PIK3C2G: variants seen among roughly 807,000 people sequenced by gnomAD.
PIK3C2G encodes the protein phosphatidylinositol-4-phosphate 3-kinase catalytic subunit type 2 gamma, also known as phosphatidylinositol 3-kinase C2 domain-containing subunit gamma.
In PIK3C2G, 168 loss-of-function variants were observed where a neutral mutation model predicts 181.1. The ratio of observed to expected loss-of-function variants is 0.93; its 90% CI spans 0.82 to 1.05. The LOEUF (loss-of-function observed/expected upper bound fraction) is 1.05. Among genes scored for constraint, PIK3C2G ranks in the 50% least tolerant of loss-of-function variants. PIK3C2G has a pLI of 0.00. For synonymous variants in PIK3C2G, 573 were observed against 592.2 expected (o/e 0.97, Z 0.47); for missense variants, 1,869 against 1,732.8 (o/e 1.08, Z -1.40).
chr12:18,694,943 T>A, the PIK3C2G span: 1 of 1,603,074 alleles, frequency 6.2e-7, no homozygotes, highest in East Asian at 2.2e-5. Context: ...TACCCTCTTT[T>A]ATGTTACTTG....
chr12:18,343,862 T>C (rs999489465), intron 10 of PIK3C2G, among the ~76,000 whole-genome samples: 19 of 152,032 alleles, frequency 1.2e-4, no homozygotes, highest in Non-Finnish European at 4.4e-5. Flanking sequence ...TTCGAGTCTA[T>C]AAAATTGCAA....
At chr12:18,677,338 C>G in the PIK3C2G span, among the ~76,000 whole-genome samples, 3 of 152,070 alleles carry the variant, frequency 2.0e-5, no homozygotes, top group Admixed American at 2.0e-4. Flanking sequence ...GAATCAGCAC[C>G]GTGCAATCAA....
the PIK3C2G span, among the ~76,000 whole-genome samples, chr12:18,690,559 T>A: frequency 1.3e-5 from 2 of 152,072 alleles, no homozygotes; most frequent in Admixed American, 6.6e-5. Flanking sequence ...CTCAGACAAA[T>A]GGAGAAGACA....
chr12:18,648,862 A>G (rs1950296491), downstream of PIK3C2G, among the ~76,000 whole-genome samples: 1 of 152,152 alleles, frequency 6.6e-6, no homozygotes. Flanking sequence ...CTTTAAAACA[A>G]TCAAAAAAAT....
chr12:18,571,397 A>G (rs1945934842), intron 29 of PIK3C2G, among the ~76,000 whole-genome samples: 1 of 150,592 alleles, frequency 6.6e-6, no homozygotes, highest in African/African-American at 2.5e-5. Context: ...TATTAGTGCA[A>G]ATTGTCATCT....
At chr12:18,319,200 T>C (rs1012178893) in intron 6 of PIK3C2G, among the ~76,000 whole-genome samples, 3 of 152,212 alleles carry the variant, frequency 2.0e-5, no homozygotes, top group African/African-American at 7.2e-5. Context: ...TATTTTTAAA[T>C]TGGTTTCCCT....
chr12:18,621,170 T>A (rs1484864798), intron 31 of PIK3C2G, among the ~76,000 whole-genome samples: 1 of 151,790 alleles, frequency 6.6e-6, no homozygotes, highest in Non-Finnish European at 1.5e-5. Context: ...GTCAGGAAGT[T>A]TGGAATCATT....
the PIK3C2G span, among the ~76,000 whole-genome samples, chr12:18,674,899 G>A: frequency 1.7e-4 from 26 of 152,190 alleles, no homozygotes; most frequent in South Asian, 6.2e-4. Flanking sequence ...AGGTAACCTG[G>A]GGAGAGAGAG....
intron 18 of PIK3C2G, among the ~76,000 whole-genome samples, chr12:18,430,595 A>G (rs1946100293): frequency 6.6e-6 from 1 of 152,186 alleles, no homozygotes; most frequent in Non-Finnish European, 1.5e-5. Context: ...TCAGCTGTGC[A>G]CATGCAGACT....
the PIK3C2G span, chr12:18,695,011 C>A: frequency 6.2e-7 from 1 of 1,612,190 alleles, no homozygotes; most frequent in African/African-American, 1.3e-5. Flanking sequence ...TATCCAGAAC[C>A]ACCATTATCC....
intron 18 of PIK3C2G, among the ~76,000 whole-genome samples, chr12:18,439,776 C>G (rs543764369): frequency 6.6e-6 from 1 of 152,172 alleles, no homozygotes; most frequent in Admixed American, 6.6e-5. Flanking sequence ...CCACGTCATT[C>G]TCCATATTGC....
the PIK3C2G span, among the ~76,000 whole-genome samples, chr12:18,721,986 A>AT: frequency 6.6e-6 from 1 of 151,750 alleles, no homozygotes; most frequent in African/African-American, 2.4e-5. Flanking sequence ...CTCCAAACTC[A>AT]TCTCTCTCTC....
At chr12:18,418,032 A>G (rs1945278655) in intron 16 of PIK3C2G, among the ~76,000 whole-genome samples, 1 of 152,228 alleles carries the variant, frequency 6.6e-6, no homozygotes, top group South Asian at 2.1e-4. Flanking sequence ...TGTAATTATT[A>G]TCATCATGAT....
upstream of PIK3C2G, among the ~76,000 whole-genome samples, chr12:18,244,006 G>A (rs1948013632): frequency 6.6e-6 from 1 of 151,900 alleles, no homozygotes; most frequent in African/African-American, 2.4e-5. Context: ...AGAGAAGAAG[G>A]GAGAATTAAG....
the PIK3C2G span, chr12:18,683,152 T>C: frequency 8.8e-7 from 1 of 1,137,652 alleles, no homozygotes. Context: ...TATTTTTCTT[T>C]ATGTTTAAAA....
At chr12:18,326,168 G>C (rs1351636321) in intron 8 of PIK3C2G, among the ~76,000 whole-genome samples, 1 of 152,182 alleles carries the variant, frequency 6.6e-6, no homozygotes, top group African/African-American at 2.4e-5. Context: ...ATAGTGAAGA[G>C]AGAAGGTAGC....
chr12:18,428,097 A>G (rs1053111906), intron 18 of PIK3C2G, among the ~76,000 whole-genome samples: 1 of 152,026 alleles, frequency 6.6e-6, no homozygotes, highest in Non-Finnish European at 1.5e-5. Context: ...AAGTGCCTAC[A>G]TCCCCTTAAA....
intron 31 of PIK3C2G, among the ~76,000 whole-genome samples, chr12:18,617,372 C>T (rs957929640): frequency 4.6e-5 from 7 of 152,162 alleles, no homozygotes; most frequent in Non-Finnish European, 8.8e-5. Flanking sequence ...TTCAGTTTCA[C>T]TCGCTTTCTA....
intron 1 of PIK3C2G, among the ~76,000 whole-genome samples, chr12:18,265,919 C>A (rs1479004073): frequency 6.9e-6 from 1 of 144,342 alleles, no homozygotes; most frequent in Non-Finnish European, 1.5e-5. Flanking sequence ...GAGGCTGAGG[C>A]AGAAGAATCG....
Sources: gnomAD v4.1 joint callset for allele counts (sites outside exome capture counted in the v4.1 genomes callset) on GRCh38, gnomAD v4.1.1 for gene constraint, MANE v1.5 for transcripts, NCBI Gene and HGNC (gene_info 2026-07-23, HGNC 2026-07-21) for gene names.